The following RAB38 variants were observed in gnomAD, a reference collection of about 807,000 sequenced individuals.
RAB38 encodes ras-related protein Rab-38.
RAB38 carries 15 observed loss-of-function variants against 18.4 expected under a neutral mutation model. The ratio of observed to expected loss-of-function variants is 0.82; its 90% CI spans 0.55 to 1.26. RAB38 has a LOEUF of 1.26. Ranked by LOEUF, RAB38 falls within the 50% of genes most tolerant of loss-of-function variation. The pLI is 0.00. For missense variants in RAB38, 294 were observed against 267.4 expected (o/e 1.10, Z -0.69); for synonymous variants, 101 against 104.4 (o/e 0.97, Z 0.20).
chr11:87,864,835 C>G, the RAB38 span, among the ~76,000 whole-genome samples: 1 of 151,706 alleles, frequency 6.6e-6, no homozygotes, highest in African/African-American at 2.4e-5. Context: ...TAGAGTTTAA[C>G]TTAATATCGC....
chr11:87,868,601 GAGAGAGA>G, the RAB38 span, among the ~76,000 whole-genome samples: 1 of 66,482 alleles, frequency 1.5e-5, no homozygotes, highest in Non-Finnish European at 3.4e-5. Flanking sequence ...GAGAGAGAGA[GAGAGAGA>G]GAGAGAGAGA....
At chr11:87,903,389 A>C in the RAB38 span, among the ~76,000 whole-genome samples, 1 of 151,504 alleles carries the variant, frequency 6.6e-6, no homozygotes, top group African/African-American at 2.4e-5. Context: ...TAAGAATCAA[A>C]CTTTCAATAT....
the RAB38 span, among the ~76,000 whole-genome samples, chr11:87,811,165 C>T: frequency 6.6e-6 from 1 of 152,164 alleles, no homozygotes; most frequent in South Asian, 2.1e-4. Flanking sequence ...AGCGTGTCTA[C>T]GAAATTGTAC....
the RAB38 span, among the ~76,000 whole-genome samples, chr11:87,805,277 G>A: frequency 1.3e-5 from 2 of 151,676 alleles, no homozygotes; most frequent in African/African-American, 4.8e-5. Context: ...ACTATCTATG[G>A]ACATCTATGT....
chr11:88,110,328 C>T (rs926822450), downstream of RAB38, among the ~76,000 whole-genome samples: 1 of 151,858 alleles, frequency 6.6e-6, no homozygotes, highest in African/African-American at 2.4e-5. Flanking sequence ...ACAATGAGAA[C>T]ACATGGACAC....
chr11:88,054,988 C>G, the RAB38 span, among the ~76,000 whole-genome samples: 1 of 152,138 alleles, frequency 6.6e-6, no homozygotes, highest in Non-Finnish European at 1.5e-5. Context: ...TCTAGGTAGA[C>G]TATTTGATCT....
the RAB38 span, among the ~76,000 whole-genome samples, chr11:88,069,733 G>A: frequency 6.6e-6 from 1 of 152,146 alleles, no homozygotes; most frequent in East Asian, 1.9e-4. Flanking sequence ...ACACCAATCA[G>A]CACTCTGTGT....
chr11:87,934,338 G>C, the RAB38 span, among the ~76,000 whole-genome samples: 1 of 151,810 alleles, frequency 6.6e-6, no homozygotes, highest in African/African-American at 2.4e-5. Context: ...ATCCCCCTTT[G>C]GTATGATAAT....
At chr11:87,893,398 T>TC in the RAB38 span, among the ~76,000 whole-genome samples, 1 of 5,648 alleles carries the variant, frequency 1.8e-4, no homozygotes, top group African/African-American at 6.9e-4. Flanking sequence ...ATATTTTTTT[T>TC]TTACATAGCT....
chr11:87,934,431 C>A, the RAB38 span, among the ~76,000 whole-genome samples: 3 of 152,058 alleles, frequency 2.0e-5, no homozygotes, highest in Non-Finnish European at 4.4e-5. Context: ...TATATGCTAA[C>A]CTCATAGGTA....
chr11:88,033,672 T>A, the RAB38 span, among the ~76,000 whole-genome samples: 10 of 151,548 alleles, frequency 6.6e-5, no homozygotes, highest in East Asian at 1.9e-3. Context: ...AGTTTGTGTA[T>A]CCATCATTAT....
At chr11:87,910,951 A>G in the RAB38 span, among the ~76,000 whole-genome samples, 5 of 151,984 alleles carry the variant, frequency 3.3e-5, no homozygotes, top group Admixed American at 6.6e-5. Flanking sequence ...GTTCACTTTT[A>G]CGTGGTATGG....
chr11:87,816,113 T>C, the RAB38 span: 1 of 152,404 alleles, frequency 6.6e-6, no homozygotes, highest in South Asian at 2.1e-4. Context: ...AAATGAGTAG[T>C]TGATCATTTT....
At chr11:87,817,588 C>G in the RAB38 span, 1 of 152,054 alleles carries the variant, frequency 6.6e-6, no homozygotes, top group East Asian at 1.9e-4. Flanking sequence ...ATTTATGAAC[C>G]TTAATAAACA....
At chr11:87,956,296 T>C in the RAB38 span, among the ~76,000 whole-genome samples, 1 of 152,206 alleles carries the variant, frequency 6.6e-6, no homozygotes, top group Non-Finnish European at 1.5e-5. Flanking sequence ...ATTGTAGCTA[T>C]TGTTCTTATT....
intron 1 of RAB38, among the ~76,000 whole-genome samples, chr11:88,170,808 G>C (rs764189775): frequency 1.3e-5 from 2 of 152,100 alleles, no homozygotes; most frequent in African/African-American, 4.8e-5. Flanking sequence ...AGAAACACTC[G>C]AAACACTCTC....
the RAB38 span, among the ~76,000 whole-genome samples, chr11:88,107,475 T>C: frequency 6.6e-6 from 1 of 152,128 alleles, no homozygotes; most frequent in Non-Finnish European, 1.5e-5. Flanking sequence ...ACTTGTTATG[T>C]TTTAGCACTA....
chr11:87,821,621 G>A, the RAB38 span, among the ~76,000 whole-genome samples: 4 of 152,058 alleles, frequency 2.6e-5, no homozygotes, highest in South Asian at 2.1e-4. Context: ...AGGCCGAGGC[G>A]GGTAGATCAC....
chr11:88,112,887 C>T (rs1011515537), downstream of RAB38, among the ~76,000 whole-genome samples: 3 of 151,980 alleles, frequency 2.0e-5, no homozygotes, highest in African/African-American at 7.2e-5. Flanking sequence ...GCTACCTGCA[C>T]GTGTCAGCAC....
Sources: gnomAD v4.1 joint callset for allele counts (sites outside exome capture counted in the v4.1 genomes callset) on GRCh38, gnomAD v4.1.1 for gene constraint, MANE v1.5 for transcripts, NCBI Gene and HGNC (gene_info 2026-07-23, HGNC 2026-07-21) for gene names.